ARMH4: variants seen among roughly 807,000 people sequenced by gnomAD.
The protein encoded by ARMH4 is armadillo like helical domain containing 4, also known as armadillo-like helical domain-containing protein 4.
ARMH4 carries 49 observed loss-of-function variants against 61.9 expected under a neutral mutation model. The ratio of observed to expected loss-of-function variants is 0.79; its 90% CI spans 0.63 to 1.00. The LOEUF is 1.00. Ranked by LOEUF, ARMH4 falls within the 50% of genes least tolerant of loss-of-function variation. The probability of loss-of-function intolerance (pLI) is 0.00; values close to 1 mark genes in which losing one functional copy is unlikely to be tolerated. For synonymous variants in ARMH4, 368 were observed against 341.5 expected (o/e 1.08, Z -0.85); for missense variants, 934 against 930.0 (o/e 1.00, Z -0.06).
In ARMH4 at chr14:58,038,552, T is replaced by TAAAA. The variant is rs71448937; in HGVS notation, c.2090-26406_2090-26403dup. On this transcript the variant is annotated intron_variant, in intron 5 of 7. Coordinates refer to ENST00000267485, the MANE Select transcript of ARMH4 (RefSeq NM_001001872.4). ...ATGTACCCTAAAATTTAAAGTATAA[T>TAAAA]AAAAAAAAATTAAAAAAAAAAAAAG... Among the ~76,000 whole-genome samples the TAAAA allele has an allele frequency of 2.9e-3, 402 of 136,960 alleles. 2 individuals carry two copies. Among genetic ancestry groups the TAAAA allele is most frequent in the African/African-American group, 9.5e-3 (347 of 36,606 alleles). The allele number at this position is 136,960 out of a possible 152,430, so 89.9% of individuals were successfully genotyped here.
Position 58,138,401 on chromosome 14 carries a change from C to G in ARMH4, c.958G>C (p.Glu320Gln), listed in dbSNP as rs777737580. The change falls in exon 2 of 8, where the codon GAG becomes CAG. Residue 320 changes from glutamate (E) to glutamine (Q), a missense_variant. Physicochemically the swap from Glu to Gln is conservative, Grantham distance 29. Coordinates refer to ENST00000267485, the MANE Select transcript of ARMH4 (RefSeq NM_001001872.4). ...GGGGTCCTTATCCGGCTTACACTCTCTAATTTGGTGTCATCCCACTCATCA... is the reference window on the plus strand; with the variant it reads ...GGGGTCCTTATCCGGCTTACACTCTGTAATTTGGTGTCATCCCACTCATCA... ...LSDEWDDTKL[E>Q]SVSRIRTPKL... 3.1e-6 allele frequency: 5 copies of G among 1,614,204 alleles called. No individual in the cohort carries two copies. The highest frequency in any genetic ancestry group is 3.3e-5 in the Admixed American group (2 of 60,034).
At chr14:58,142,450 G>T (rs372128950) in intron 1 of ARMH4, among the ~76,000 whole-genome samples, 13,064 of 151,500 alleles carry the variant, frequency 0.086, 823 homozygotes, top group African/African-American at 0.18. Flanking sequence ...TCCTTTTTTT[G>T]TTTCTTTTCT....
At chr14:58,023,130 C>T (rs530603461) in intron 5 of ARMH4, among the ~76,000 whole-genome samples, 8 of 152,176 alleles carry the variant, frequency 5.3e-5, no homozygotes, top group Admixed American at 3.9e-4. Context: ...GTAGCTGTGT[C>T]GATTTCTTAA....
Position 58,138,306 on chromosome 14 carries a change from C to T in ARMH4, c.1053G>A (p.Glu351=). ...TCCAAGGCTGGCCTCCTTCCATACC[C>T]TCATGGCTTACTTGTGCTGTCTGAG... ...EMSQTAQVSH[E]GMEGGQPWTE... Residue 351 remains glutamate, a synonymous_variant, in exon 2 of 8, where the codon GAG becomes GAA. Coordinates refer to ENST00000267485, the MANE Select transcript of ARMH4 (RefSeq NM_001001872.4). The T allele has an allele frequency of 1.9e-6, 3 of 1,614,250 alleles. No individual in the cohort carries two copies. Among genetic ancestry groups the T allele is most frequent in the Non-Finnish European group, 2.5e-6 (3 of 1,180,038 alleles).
intron 5 of ARMH4, among the ~76,000 whole-genome samples, chr14:58,038,692 T>C (rs1199757916): frequency 1.3e-5 from 2 of 152,194 alleles, no homozygotes; most frequent in African/African-American, 4.8e-5. Flanking sequence ...ATAACTACTA[T>C]AGTTTCAAAG....
intron 4 of ARMH4, among the ~76,000 whole-genome samples, chr14:58,108,108 T>G (rs984242135): frequency 6.6e-6 from 1 of 152,166 alleles, no homozygotes; most frequent in Non-Finnish European, 1.5e-5. Flanking sequence ...AAAGAAAATA[T>G]TAAATTCGTC....
intron 5 of ARMH4, among the ~76,000 whole-genome samples, chr14:58,058,589 G>A (rs1884423887): frequency 6.6e-6 from 1 of 152,118 alleles, no homozygotes; most frequent in African/African-American, 2.4e-5. Flanking sequence ...CATGGCATTT[G>A]CAAACTGTCA....
At chr14:58,093,686 C>T (rs1885650868) in intron 5 of ARMH4, among the ~76,000 whole-genome samples, 1 of 152,060 alleles carries the variant, frequency 6.6e-6, no homozygotes, top group Non-Finnish European at 1.5e-5. Flanking sequence ...TAATATTGAT[C>T]CAGAAGTTGT....
chr14:58,127,638 C>A (rs567486289), intron 4 of ARMH4, among the ~76,000 whole-genome samples: 2 of 152,204 alleles, frequency 1.3e-5, no homozygotes, highest in Admixed American at 1.3e-4. Flanking sequence ...TTAAATAAGA[C>A]CAATCGGATC....
intron 5 of ARMH4, among the ~76,000 whole-genome samples, chr14:58,052,996 C>A (rs1466115753): frequency 6.6e-6 from 1 of 152,072 alleles, no homozygotes; most frequent in Non-Finnish European, 1.5e-5. Context: ...TTAACACTAC[C>A]CTTCCCTCGC....
intron 5 of ARMH4, among the ~76,000 whole-genome samples, chr14:58,043,364 T>C (rs1883798897): frequency 6.6e-6 from 1 of 152,052 alleles, no homozygotes; most frequent in South Asian, 2.1e-4. Context: ...CACATGATTA[T>C]CTCAATAGAT....
At chr14:58,137,898 A>T in intron 2 of ARMH4, 92 bp downstream of exon 2, 2 of 1,299,648 alleles carry the variant, frequency 1.5e-6, no homozygotes, top group Non-Finnish European at 2.1e-6. Context: ...GCTTTTCATT[A>T]AAACTTCAAC....
chr14:58,040,739 C>G (rs972307926), intron 5 of ARMH4, among the ~76,000 whole-genome samples: 1 of 152,086 alleles, frequency 6.6e-6, no homozygotes, highest in Admixed American at 6.5e-5. Flanking sequence ...TATATTTTCC[C>G]ACCAAGATTT....
At chr14:58,023,816 C>A (rs1456206234) in intron 5 of ARMH4, among the ~76,000 whole-genome samples, 1 of 152,180 alleles carries the variant, frequency 6.6e-6, no homozygotes, top group Non-Finnish European at 1.5e-5. Context: ...GGCATAAAAA[C>A]AACATTAATC....
intron 5 of ARMH4, among the ~76,000 whole-genome samples, chr14:58,081,100 T>TATAAATAAATAAATAAATAAATAAATAA: frequency 6.7e-6 from 1 of 148,274 alleles, no homozygotes; most frequent in East Asian, 2.0e-4. Flanking sequence ...AGACTCTGTC[T>TATAAATAAATAAATAAATAAATAAATAA]ATAAATAAAT....
intron 6 of ARMH4, among the ~76,000 whole-genome samples, chr14:58,009,067 A>C (rs921605671): frequency 6.6e-6 from 1 of 152,188 alleles, no homozygotes; most frequent in Admixed American, 6.5e-5. Flanking sequence ...TTAATACAGG[A>C]AGTGTCCTTC....
intron 5 of ARMH4, among the ~76,000 whole-genome samples, chr14:58,090,294 T>C (rs1594750583): frequency 6.6e-6 from 1 of 152,148 alleles, no homozygotes. Flanking sequence ...CCAGAACTCA[T>C]GAACTCAAAC....
intron 5 of ARMH4, among the ~76,000 whole-genome samples, chr14:58,044,376 A>G (rs1465137918): frequency 1.3e-5 from 2 of 152,230 alleles, no homozygotes; most frequent in Non-Finnish European, 2.9e-5. Context: ...AAGATTCCCT[A>G]TTTAACAAAT....
intron 4 of ARMH4, among the ~76,000 whole-genome samples, chr14:58,100,107 A>T (rs1372873608): frequency 6.6e-6 from 1 of 152,214 alleles, no homozygotes; most frequent in Non-Finnish European, 1.5e-5. Flanking sequence ...GGGAAGGCAG[A>T]GAAACAGGCA....
Sources: allele counts gnomAD v4.1 joint callset (sites outside exome capture counted in the v4.1 genomes callset), GRCh38; gene constraint gnomAD v4.1.1; transcripts MANE v1.5; gene names NCBI Gene and HGNC (gene_info 2026-07-23, HGNC 2026-07-21).